Variants in ADARB1 observed in about 807,000 individuals in gnomAD.
ADARB1 encodes double-stranded RNA-specific editase 1.
Under a neutral mutation model 52.4 loss-of-function variants are expected in ADARB1, and 10 were observed. That is an observed-to-expected ratio of 0.19 (90% confidence interval 0.12 to 0.32). The LOEUF is 0.32. ADARB1 is among the 10% of genes least tolerant of loss of function. The pLI, the probability that ADARB1 is intolerant of heterozygous loss-of-function variation, is 1.00. For missense variants in ADARB1, 643 were observed against 922.3 expected, an observed-to-expected ratio of 0.70 and a Z score of 3.92; for synonymous variants, 349 against 371.1, an observed-to-expected ratio of 0.94 and a Z score of 0.68.
In ADARB1 at chr21:45,086,820, A is replaced by G. The variant is rs994310680; in HGVS notation, c.-220+12027A>G. 2.2e-4 allele frequency among the ~76,000 whole-genome samples: 34 copies of G among 152,354 alleles called. 1 individual carries two copies. Among genetic ancestry groups the G allele is most frequent in the African/African-American group, 7.7e-4 (32 of 41,578 alleles). The stretch of plus-strand genomic sequence containing the variant: ...ATGTGTATTTTCATTTGTCATAGGT[A>G]GATTCCTAGGAGTTCGTAGGAGCTT... On this transcript the variant is annotated intron_variant, in intron 1 of 10. Coordinates refer to ENST00000348831, the MANE Select transcript of ADARB1 (RefSeq NM_001112.4).
chr21:45,113,544 CAT>C (rs1292728402), intron 1 of ADARB1, among the ~76,000 whole-genome samples: 63 of 146,590 alleles, frequency 4.3e-4, no homozygotes, highest in African/African-American at 1.5e-3. Context: ...TATATGTTGA[CAT>C]GTGAGTTTTT....
At chr21:45,170,297 T>TG (rs2091428014) in intron 2 of ADARB1, among the ~76,000 whole-genome samples, 2 of 152,262 alleles carry the variant, frequency 1.3e-5, no homozygotes, top group Non-Finnish European at 2.9e-5. Context: ...TCATAATTCC[T>TG]TAATATAATC....
chr21:45,149,872 G>T (rs2090195546), intron 2 of ADARB1, among the ~76,000 whole-genome samples: 1 of 152,246 alleles, frequency 6.6e-6, no homozygotes, highest in African/African-American at 2.4e-5. Context: ...AGTTTTTAAA[G>T]AGTTGTTAAA....
At chr21:45,211,353 T>TG (rs920250242) in intron 9 of ADARB1, among the ~76,000 whole-genome samples, 8 of 152,092 alleles carry the variant, frequency 5.3e-5, no homozygotes, top group Non-Finnish European at 2.9e-5. Flanking sequence ...TCACTGGGGG[T>TG]GCTGTGCACA....
chr21:45,225,039 A>G lies in ADARB1; in HGVS notation c.*2842A>G, dbSNP rs575277654. ...AGAAAAAATATTACATTTTGAGGACATTTTGACAAGTAGGGGAAGAGAGGG... is the reference window on the plus strand; with the variant it reads ...AGAAAAAATATTACATTTTGAGGACGTTTTGACAAGTAGGGGAAGAGAGGG... On this transcript the variant is annotated 3_prime_UTR_variant, in exon 11 of 11. Transcript: ENST00000348831. The G allele has an allele frequency of 1.1e-5, 11 of 985,144 alleles. No individual in the cohort carries two copies. The Admixed American group carries it at 4.3e-4, about 39-fold the overall frequency. 61.0% of individuals were successfully genotyped at this position (985,144 alleles called of 1,614,324 possible). A position where few individuals can be genotyped will look rare whatever the true frequency, so the allele number is the denominator to read the frequency against.
chr21:45,077,492 C>T (rs937728155), intron 1 of ADARB1, among the ~76,000 whole-genome samples: 1 of 151,810 alleles, frequency 6.6e-6, no homozygotes, highest in Non-Finnish European at 1.5e-5. Context: ...GGTGAAAACC[C>T]GTCTCTACTA....
chr21:45,163,707 G>A (rs1393220994), intron 2 of ADARB1, among the ~76,000 whole-genome samples: 3 of 152,230 alleles, frequency 2.0e-5, no homozygotes, highest in African/African-American at 2.4e-5. Context: ...GGGGCTGCTG[G>A]GGCCTATGGG....
At chr21:45,219,523 GA>G (rs2092925630) in intron 9 of ADARB1, among the ~76,000 whole-genome samples, 1 of 152,006 alleles carries the variant, frequency 6.6e-6, no homozygotes, top group Non-Finnish European at 1.5e-5. Context: ...ACTCCGTCTC[GA>G]AAAAAAGAAC....
Position 45,224,727 on chromosome 21 carries a change from C to CG in ADARB1, c.*2534dup, listed in dbSNP as rs1277707610. 7 of 995,438 alleles carry CG rather than the reference C, an allele frequency of 7.0e-6. No homozygotes were observed. The South Asian group carries it at 1.7e-4, about 24-fold the overall frequency. The allele number at this position is 995,438 out of a possible 1,614,324, so 61.7% of individuals were successfully genotyped here. ...GGAACTGGTTTCGGGGAGCCCTGGGCGGGGCGGCTGTGGGGAGGAAGGTGA... is the reference window on the plus strand; with the variant it reads ...GGAACTGGTTTCGGGGAGCCCTGGGCGGGGGCGGCTGTGGGGAGGAAGGTGA... On this transcript the variant is annotated 3_prime_UTR_variant, in exon 11 of 11. Transcript: ENST00000348831.
In ADARB1 at chr21:45,204,501, T is replaced by C. The variant is rs2146347920; in HGVS notation, c.1566-54T>C. Reference sequence around the variant, plus strand: ...GTAACCACGCAGGCTTGGGCTGGGCTGCGTCGACACTGAGTCCGAGCTCCC... The same window carrying C: ...GTAACCACGCAGGCTTGGGCTGGGCCGCGTCGACACTGAGTCCGAGCTCCC... On this transcript the variant is annotated intron_variant, in intron 8 of 10. Coordinates refer to ENST00000348831, the MANE Select transcript of ADARB1 (RefSeq NM_001112.4). The surrounding 1 kb of genome is among the most constrained non-coding windows in gnomAD (Gnocchi z 4.4). 1.6e-5 allele frequency: 25 copies of C among 1,574,032 alleles called. No individual in the cohort carries two copies. Among genetic ancestry groups the C allele is most frequent in the Non-Finnish European group, 2.1e-5 (24 of 1,152,088 alleles).
chr21:45,201,317 C>G (rs1174305321), intron 8 of ADARB1, among the ~76,000 whole-genome samples: 1 of 152,218 alleles, frequency 6.6e-6, no homozygotes, highest in Non-Finnish European at 1.5e-5. Context: ...ATTTCCCACC[C>G]AGGGCCTCTG....
At chr21:45,123,551 C>T (rs1346011174) in intron 1 of ADARB1, among the ~76,000 whole-genome samples, 1 of 152,152 alleles carries the variant, frequency 6.6e-6, no homozygotes, top group Non-Finnish European at 1.5e-5. Flanking sequence ...GCGATCCTTC[C>T]GCCTCTGTCT....
intron 8 of ADARB1, among the ~76,000 whole-genome samples, chr21:45,186,584 A>G (rs1328994613): frequency 6.6e-6 from 1 of 152,216 alleles, no homozygotes; most frequent in Non-Finnish European, 1.5e-5. Flanking sequence ...CATAGTTTCA[A>G]TTTTTATTTC....
chr21:45,150,263 A>C (rs1269260864), intron 2 of ADARB1, among the ~76,000 whole-genome samples: 1 of 152,202 alleles, frequency 6.6e-6, no homozygotes, highest in Admixed American at 6.5e-5. Flanking sequence ...AACAGAGCAA[A>C]ACTCTGTCTC....
chr21:45,139,840 A>G (rs1433212705), intron 2 of ADARB1, among the ~76,000 whole-genome samples: 2 of 151,112 alleles, frequency 1.3e-5, no homozygotes, highest in Non-Finnish European at 2.9e-5. Context: ...TCAAATTGAG[A>G]CTTACCTTTC....
At chr21:45,096,324 G>A (rs999708018) in intron 1 of ADARB1, among the ~76,000 whole-genome samples, 4 of 152,244 alleles carry the variant, frequency 2.6e-5, no homozygotes, top group African/African-American at 9.6e-5. Context: ...AGGGACAAGT[G>A]CCCCCTCTGC....
chr21:45,099,145 G>A (rs1312058701), intron 1 of ADARB1, among the ~76,000 whole-genome samples: 2 of 152,152 alleles, frequency 1.3e-5, no homozygotes, highest in African/African-American at 4.8e-5. Context: ...GGATTTTCAC[G>A]CATGTCTTCC....
At chr21:45,207,563 G>C (rs189115664) in intron 9 of ADARB1, among the ~76,000 whole-genome samples, 39 of 152,320 alleles carry the variant, frequency 2.6e-4, no homozygotes, top group Non-Finnish European at 5.9e-5. Flanking sequence ...TTTAAAAATG[G>C]GTCCCAAAGC....
chr21:45,178,363 G>T (rs571747999), intron 4 of ADARB1, among the ~76,000 whole-genome samples: 1 of 152,234 alleles, frequency 6.6e-6, no homozygotes, highest in African/African-American at 2.4e-5. Context: ...CTGACGCCAC[G>T]TTCCTCTGGG....
Sources: gnomAD v4.1 joint callset for allele counts (sites outside exome capture counted in the v4.1 genomes callset) on GRCh38, gnomAD v4.1.1 for gene constraint, Gnocchi (gnomAD v3.1) non-coding constraint, MANE v1.5 for transcripts, NCBI Gene and HGNC (gene_info 2026-07-23, HGNC 2026-07-21) for gene names.